Variants in PTPRG observed in about 807,000 individuals in gnomAD.
PTPRG encodes receptor-type tyrosine-protein phosphatase gamma.
Under a neutral mutation model 165.3 loss-of-function variants are expected in PTPRG, and 102 were observed. That is an observed-to-expected ratio of 0.62 (90% CI 0.53 to 0.73). PTPRG has a LOEUF of 0.73. PTPRG is among the 30% of genes least tolerant of loss of function. The pLI is 0.00. For synonymous variants in PTPRG, 675 were observed against 669.5 expected, an observed-to-expected ratio of 1.01 and a Z score of -0.13; for missense variants, 1,866 against 1,861.4, an observed-to-expected ratio of 1.00 and a Z score of -0.05.
At chr3:62,283,507 T>C (rs1005309318) in intron 28 of PTPRG, among the ~76,000 whole-genome samples, 7 of 152,144 alleles carry the variant, frequency 4.6e-5, no homozygotes, top group Non-Finnish European at 7.4e-5. Flanking sequence ...TGTATATAGA[T>C]ATTTGGAGCC....
intron 2 of PTPRG, among the ~76,000 whole-genome samples, chr3:61,885,100 C>T (rs893501739): frequency 6.6e-6 from 1 of 151,560 alleles, no homozygotes; most frequent in South Asian, 2.1e-4. Flanking sequence ...ATTTGAAAAT[C>T]GTGCTCTTTT....
At chr3:62,186,793 C>G (rs1346385430) in intron 8 of PTPRG, among the ~76,000 whole-genome samples, 1 of 152,054 alleles carries the variant, frequency 6.6e-6, no homozygotes, top group African/African-American at 2.4e-5. Context: ...TCTCGAACTC[C>G]TGGCCTCGAG....
intron 5 of PTPRG, among the ~76,000 whole-genome samples, chr3:62,101,990 ATGGACTTTTT>A (rs1398551532): frequency 6.6e-6 from 1 of 152,170 alleles, no homozygotes; most frequent in Non-Finnish European, 1.5e-5. Context: ...ATCATTGAGA[ATGGACTTTTT>A]TTTCCTACTT....
intron 5 of PTPRG, among the ~76,000 whole-genome samples, chr3:62,112,965 C>T (rs1315072139): frequency 6.6e-6 from 1 of 152,138 alleles, no homozygotes; most frequent in African/African-American, 2.4e-5. Flanking sequence ...TCGGAGCAGA[C>T]CGTACCACCT....
At position 62,277,655 on chromosome 3, in the gene PTPRG, C is replaced by G; in HGVS notation, c.3741C>G (p.Val1247=). The change falls in exon 26 of 30, where the codon GTC becomes GTG. Residue 1247 remains valine, a synonymous_variant. Transcript: ENST00000474889. ...MIWDHNAQII[V]MLPDNQSLAE... is the part of the protein sequence containing the mutation. ...GGGATCATAACGCACAGATCATTGT[C>G]ATGCTGCCAGACAACCAGAGCTTGG... 1 of 1,612,620 alleles carries G rather than the reference C, an allele frequency of 6.2e-7. No individual in the cohort carries two copies. Among genetic ancestry groups the G allele is most frequent in the African/African-American group, 1.3e-5 (1 of 74,962 alleles).
Position 62,252,805 on chromosome 3 carries a change from T to C in PTPRG, c.2468-2319T>C, listed in dbSNP as rs1480969248. On this transcript the variant is annotated intron_variant, in intron 15 of 29. Coordinates refer to ENST00000474889, the MANE Select transcript of PTPRG (RefSeq NM_002841.4). The surrounding 1 kb of genome is among the most constrained non-coding windows in gnomAD (Gnocchi z 4.6). ...TTTATCTTGATTGCAGGGCAAATGCTGTATTATCTGGGTAGCTGACAGTGG... is the reference window on the plus strand; with the variant it reads ...TTTATCTTGATTGCAGGGCAAATGCCGTATTATCTGGGTAGCTGACAGTGG... 1.3e-5 allele frequency among the ~76,000 whole-genome samples: 2 copies of C among 152,238 alleles called. No homozygotes were observed. The highest frequency in any genetic ancestry group is 4.8e-5 in the African/African-American group (2 of 41,464).
rs117064175 is a variant in PTPRG, at chr3:62,240,380, T to A, written c.2376-3427T>A. Among the ~76,000 whole-genome samples, 364 of 151,834 alleles carry A rather than the reference T, an allele frequency of 2.4e-3. 16 individuals are homozygous for A. The East Asian group carries it at 0.048, about 20-fold the overall frequency. On this transcript the variant is annotated intron_variant, in intron 14 of 29. Transcript: ENST00000474889. The surrounding 1 kb of genome is among the most constrained non-coding windows in gnomAD (Gnocchi z 5.1). Reference sequence around the variant, plus strand: ...CTCCCCCAATACCCAGAAAAAAAAATGGAAAACAGCCCATCTGTCTATATT... The same window carrying A: ...CTCCCCCAATACCCAGAAAAAAAAAAGGAAAACAGCCCATCTGTCTATATT...
intron 1 of PTPRG, among the ~76,000 whole-genome samples, chr3:61,736,884 T>C (rs1169043003): frequency 1.3e-5 from 2 of 152,254 alleles, no homozygotes; most frequent in Non-Finnish European, 2.9e-5. Flanking sequence ...AAAACCATTA[T>C]ATCTCAATAA....
At chr3:61,776,581 C>A (rs574669343) in intron 2 of PTPRG, among the ~76,000 whole-genome samples, 1 of 151,900 alleles carries the variant, frequency 6.6e-6, no homozygotes, top group Non-Finnish European at 1.5e-5. Flanking sequence ...TACTTTCTGT[C>A]CTAGAACTTA....
chr3:61,983,841 G>A (rs756441999), intron 2 of PTPRG, among the ~76,000 whole-genome samples: 1 of 152,166 alleles, frequency 6.6e-6, no homozygotes, highest in African/African-American at 2.4e-5. Flanking sequence ...GACTTTTCAA[G>A]TAGTATTGCT....
intron 2 of PTPRG, among the ~76,000 whole-genome samples, chr3:61,948,037 C>T (rs2039806741): frequency 6.6e-6 from 1 of 152,002 alleles, no homozygotes; most frequent in African/African-American, 2.4e-5. Flanking sequence ...AAGAAGGAAA[C>T]TCTAAGGCCA....
At chr3:61,808,893 T>C (rs2035494167) in intron 2 of PTPRG, among the ~76,000 whole-genome samples, 1 of 151,522 alleles carries the variant, frequency 6.6e-6, no homozygotes, top group African/African-American at 2.4e-5. Flanking sequence ...TGTATCTTTG[T>C]TGATAAAAAC....
chr3:61,651,578 C>G (rs1012002889), intron 1 of PTPRG, among the ~76,000 whole-genome samples: 4 of 152,152 alleles, frequency 2.6e-5, no homozygotes, highest in African/African-American at 9.7e-5. Flanking sequence ...TGGTGTTGAG[C>G]TTGAAGCTAA....
chr3:62,229,832 T>C lies in PTPRG; in HGVS notation c.2289-1393T>C, dbSNP rs1700852680. ...TGGTAGTTTTAAGCGCCTGTGATTG[T>C]GTGTGAGGAAAAACTGCGGAGATAG... On this transcript the variant is annotated intron_variant, in intron 13 of 29. Coordinates refer to ENST00000474889, the MANE Select transcript of PTPRG (RefSeq NM_002841.4). The surrounding 1 kb of genome is among the most constrained non-coding windows in gnomAD (Gnocchi z 4.6). 6.6e-6 allele frequency among the ~76,000 whole-genome samples: 1 copy of C among 152,218 alleles called. No individual in the cohort carries two copies. Among genetic ancestry groups the C allele is most frequent in the Non-Finnish European group, 1.5e-5 (1 of 68,046 alleles).
chr3:62,000,914 C>A (rs1040950471), intron 3 of PTPRG, among the ~76,000 whole-genome samples: 10 of 152,130 alleles, frequency 6.6e-5, no homozygotes, highest in African/African-American at 2.4e-4. Context: ...GTCAAAATAG[C>A]CCAGCCAGGT....
chr3:61,615,219 T>A (rs1163456867), intron 1 of PTPRG, among the ~76,000 whole-genome samples: 1 of 152,222 alleles, frequency 6.6e-6, no homozygotes, highest in African/African-American at 2.4e-5. Flanking sequence ...CATTCAAATA[T>A]GCCCTAATTG....
intron 1 of PTPRG, among the ~76,000 whole-genome samples, chr3:61,641,229 C>T (rs4688648): frequency 0.031 from 4,731 of 152,180 alleles, 103 homozygotes; most frequent in East Asian, 0.064. Flanking sequence ...TCCTCCCCCT[C>T]CCTCCCTGAA....
intron 2 of PTPRG, among the ~76,000 whole-genome samples, chr3:61,809,809 G>T (rs1282720182): frequency 2.0e-5 from 3 of 152,216 alleles, no homozygotes; most frequent in Non-Finnish European, 4.4e-5. Flanking sequence ...TCACTTGACA[G>T]TTGAGAGCCA....
At chr3:61,922,607 C>T (rs914435505) in intron 2 of PTPRG, among the ~76,000 whole-genome samples, 1 of 152,208 alleles carries the variant, frequency 6.6e-6, no homozygotes, top group Admixed American at 6.5e-5. Context: ...CTCCCTCACC[C>T]TCAGCTGTCA....
Sources: allele counts gnomAD v4.1 joint callset (sites outside exome capture counted in the v4.1 genomes callset), GRCh38; gene constraint gnomAD v4.1.1; non-coding constraint Gnocchi (gnomAD v3.1); transcripts MANE v1.5; gene names NCBI Gene and HGNC (gene_info 2026-07-23, HGNC 2026-07-21).